RFFL: variants seen among roughly 807,000 people sequenced by gnomAD.
RFFL encodes ring finger and FYVE like domain containing E3 ubiquitin protein ligase.
RFFL carries 16 observed loss-of-function variants against 40.4 expected under a neutral mutation model. The ratio of observed to expected loss-of-function variants is 0.40; its 90% confidence interval spans 0.27 to 0.60. The LOEUF (loss-of-function observed/expected upper bound fraction) is 0.60. Ranked by LOEUF, RFFL falls within the 20% of genes least tolerant of loss-of-function variation. The pLI, the probability that RFFL is intolerant of heterozygous loss-of-function variation, is 0.47. For missense variants in RFFL, 367 were observed against 451.7 expected (o/e 0.81, Z 1.70); for synonymous variants, 154 against 167.9 (o/e 0.92, Z 0.64).
chr17:35,076,723 G>A (rs188637181), intron 1 of RFFL: 7 of 103,516 alleles, frequency 6.8e-5, no homozygotes, highest in East Asian at 3.5e-4. Flanking sequence ...AATAATAATA[G>A]TAACAGAAGC....
At chr17:35,062,278 C>T (rs1473231599) in intron 1 of RFFL, among the ~76,000 whole-genome samples, 2 of 152,028 alleles carry the variant, frequency 1.3e-5, no homozygotes, top group Non-Finnish European at 2.9e-5. Context: ...TGGCACGTAC[C>T]TGTAGTCCCA....
intron 1 of RFFL, among the ~76,000 whole-genome samples, chr17:35,044,950 C>A (rs2091189748): frequency 6.6e-6 from 1 of 151,796 alleles, no homozygotes; most frequent in Non-Finnish European, 1.5e-5. Flanking sequence ...CAGCTCACTG[C>A]AGCCTCGATC....
At chr17:35,088,718 G>A (rs1287707877) in intron 1 of RFFL, 1 of 152,386 alleles carries the variant, frequency 6.6e-6, no homozygotes, top group East Asian at 1.9e-4. Context: ...TTCCTTTAAA[G>A]GGGTAAGCAG....
At chr17:35,082,220 T>A (rs1383461337) in intron 1 of RFFL, among the ~76,000 whole-genome samples, 2 of 152,162 alleles carry the variant, frequency 1.3e-5, no homozygotes, top group Non-Finnish European at 2.9e-5. Context: ...GGACTGGGCC[T>A]GCATCTATGA....
rs201522952 is a variant in RFFL at position 35,017,602 on chromosome 17, T to C, written c.596A>G (p.Asn199Ser). 3.9e-5 allele frequency: 63 copies of C among 1,607,596 alleles called. No homozygotes were observed. The highest frequency in any genetic ancestry group is 9.4e-5 in the African/African-American group (7 of 74,814). ...PAQVQENQQANGHVSQDQEEP... is the reference protein window; with the variant it reads ...PAQVQENQQASGHVSQDQEEP... ...CTCTTGATCCTGAGACACATGGCCA[T>C]TGGCCTGTGGGAAGAGAAAAGTAAC... The change falls in exon 4 of 7, where the codon AAT becomes AGT. Residue 199 changes from asparagine to serine, a missense_variant. Physicochemically the swap from Asn to Ser is conservative, Grantham distance 46. Transcript: ENST00000394597.
At position 35,016,532 on chromosome 17, in the gene RFFL, A is replaced by T. The variant is rs1177028354; in HGVS notation, c.724T>A (p.Ser242Thr). The T allele has an allele frequency of 6.2e-7, 1 of 1,614,178 alleles. No individual in the cohort carries two copies. Among genetic ancestry groups the T allele is most frequent in the Non-Finnish European group, 8.5e-7 (1 of 1,180,016 alleles). Residue 242 changes from serine (S) to threonine (T), a missense_variant, in exon 5 of 7, where the codon TCT becomes ACT. Physicochemically the swap from Ser to Thr is moderately conservative, Grantham distance 58. Transcript: ENST00000394597. The part of the protein sequence containing the change: ...SFVPGRRASL[S>T]DLTDLEDIEG... ...ATGTCCTCCAGGTCAGTCAGGTCAG[A>T]CAGAGAGGCCCTTCGGCCTGGGACA... is the stretch of plus-strand genomic sequence containing the variant.
intron 1 of RFFL, among the ~76,000 whole-genome samples, chr17:35,053,508 A>G (rs1450789511): frequency 6.6e-6 from 1 of 152,204 alleles, no homozygotes; most frequent in African/African-American, 2.4e-5. Flanking sequence ...AGATGGGTAC[A>G]GCATATAGTA....
rs578067735 is a variant in RFFL at position 35,042,669 on chromosome 17, CA to C, written c.-8-16109del. Among the ~76,000 whole-genome samples the C allele has an allele frequency of 1.8e-3, 270 of 151,602 alleles. 2 individuals carry two copies. The highest frequency in any genetic ancestry group is 6.4e-3 in the African/African-American group (263 of 41,372). ...TGAAACCCCATCTCTGCTAAAAATACAAAAAATTAGCTGGGCGTAGTGGCAT... is the reference window on the plus strand; with the variant it reads ...TGAAACCCCATCTCTGCTAAAAATACAAAAATTAGCTGGGCGTAGTGGCAT... On this transcript the variant is annotated intron_variant, in intron 1 of 6. Coordinates refer to ENST00000394597, the MANE Select transcript of RFFL (RefSeq NM_001017368.2).
intron 1 of RFFL, among the ~76,000 whole-genome samples, chr17:35,071,935 A>G (rs546142739): frequency 4.0e-4 from 61 of 152,162 alleles, no homozygotes; most frequent in Non-Finnish European, 7.9e-4. Flanking sequence ...TAAGTGAAAA[A>G]TGCCGGGTTC....
At chr17:35,047,874 C>A (rs1176595507) in intron 1 of RFFL, among the ~76,000 whole-genome samples, 1 of 151,908 alleles carries the variant, frequency 6.6e-6, no homozygotes, top group Admixed American at 6.6e-5. Flanking sequence ...ACCTCAGCCT[C>A]CCAAGTAGCT....
In RFFL at chr17:35,040,865, G is replaced by GT. The variant is rs1187813128; in HGVS notation, c.-8-14305_-8-14304insA. On this transcript the variant is annotated intron_variant, in intron 1 of 6. Transcript: ENST00000394597. Reference sequence around the variant, plus strand: ...TCTTTTTTTTTTTTTTTTTTTTTTTGGTGTGTGTGTGTGTGTGTGTGTGTG... The same window carrying GT: ...TCTTTTTTTTTTTTTTTTTTTTTTTGTGTGTGTGTGTGTGTGTGTGTGTGTG... Among the ~76,000 whole-genome samples, 18 of 63,854 alleles carry GT rather than the reference G, an allele frequency of 2.8e-4. No homozygotes were observed. In the East Asian group the frequency reaches 3.6e-3, roughly 13 times the overall value. The allele number at this position is 63,854 out of a possible 152,430, so 41.9% of individuals were successfully genotyped here.
intron 1 of RFFL, among the ~76,000 whole-genome samples, chr17:35,084,267 C>T (rs967140554): frequency 1.3e-5 from 2 of 152,022 alleles, no homozygotes; most frequent in Non-Finnish European, 2.9e-5. Flanking sequence ...ACTTGGGGAG[C>T]TTTTTGAAAA....
At chr17:35,075,830 C>A (rs78638903) in intron 1 of RFFL, among the ~76,000 whole-genome samples, 6 of 152,118 alleles carry the variant, frequency 3.9e-5, no homozygotes, top group Admixed American at 6.5e-5. Flanking sequence ...AAATTGCACA[C>A]CCCTAAATTT....
At chr17:35,039,060 C>A (rs1427570672) in intron 1 of RFFL, among the ~76,000 whole-genome samples, 3 of 151,954 alleles carry the variant, frequency 2.0e-5, no homozygotes, top group Non-Finnish European at 4.4e-5. Flanking sequence ...AGGCGCGCAC[C>A]ACCACACCTA....
intron 2 of RFFL, among the ~76,000 whole-genome samples, chr17:35,022,584 T>G (rs1426082586): frequency 8.5e-5 from 13 of 152,292 alleles, no homozygotes; most frequent in South Asian, 2.1e-4. Flanking sequence ...GTATTCACAC[T>G]CAAGGTCTGT....
chr17:35,012,446 G>C (rs1471132663), intron 6 of RFFL, among the ~76,000 whole-genome samples: 3 of 152,332 alleles, frequency 2.0e-5, no homozygotes, highest in South Asian at 2.1e-4. Context: ...AGTTCTCAAA[G>C]CTTAAAAGAA....
chr17:35,046,854 T>C (rs2091202839), intron 1 of RFFL, among the ~76,000 whole-genome samples: 1 of 152,218 alleles, frequency 6.6e-6, no homozygotes, highest in African/African-American at 2.4e-5. Context: ...TTAGGAGAGA[T>C]GACAGATTGA....
chr17:35,030,761 G>A (rs1260324329), intron 1 of RFFL, among the ~76,000 whole-genome samples: 1 of 151,956 alleles, frequency 6.6e-6, no homozygotes, highest in Non-Finnish European at 1.5e-5. Flanking sequence ...TAAATCACAC[G>A]TTGACAGACA....
chr17:35,018,326 A>AT (rs1017448612), intron 3 of RFFL, among the ~76,000 whole-genome samples: 1 of 152,240 alleles, frequency 6.6e-6, no homozygotes, highest in Non-Finnish European at 1.5e-5. Context: ...AACACTGCCT[A>AT]TGCTTACGGA....
Sources: gnomAD v4.1 joint callset for allele counts (sites outside exome capture counted in the v4.1 genomes callset) on GRCh38, gnomAD v4.1.1 for gene constraint, MANE v1.5 for transcripts, NCBI Gene and HGNC (gene_info 2026-07-23, HGNC 2026-07-21) for gene names.